The following NBPF11 variants were observed in gnomAD, a reference collection of about 807,000 sequenced individuals.
NBPF11 encodes NBPF family member NBPF11.
A neutral mutation model predicts 93.9 loss-of-function variants in NBPF11; 72 were observed. That is an observed-to-expected ratio of 0.77 (90% CI 0.63 to 0.93). NBPF11 has a LOEUF of 0.93. Among genes scored for constraint, NBPF11 ranks in the 40% least tolerant of loss-of-function variants. The pLI is 0.00. For missense variants in NBPF11, 705 were observed against 802.2 expected (o/e 0.88, Z 1.46); for synonymous variants, 224 against 304.9 (o/e 0.73, Z 2.76).
At chr1:148,108,878 C>T (rs1246141350) in intron 17 of NBPF11, among the ~76,000 whole-genome samples, 1 of 143,938 alleles carries the variant, frequency 6.9e-6, no homozygotes, top group Non-Finnish European at 1.5e-5. Flanking sequence ...CACACACACA[C>T]ACACACACAC....
chr1:148,134,340 A>G (rs1670923120), intron 4 of NBPF11, among the ~76,000 whole-genome samples: 1 of 151,322 alleles, frequency 6.6e-6, no homozygotes, highest in East Asian at 1.9e-4. Flanking sequence ...AGAGGGAAGA[A>G]ATACGGACCT....
intron 2 of NBPF11, among the ~76,000 whole-genome samples, chr1:148,138,546 G>C (rs1279907175): frequency 6.6e-6 from 1 of 151,768 alleles, no homozygotes; most frequent in African/African-American, 2.4e-5. Context: ...TGAGATTAGG[G>C]AGTGGTGATG....
intron 8 of NBPF11, 100 bp downstream of exon 8, chr1:148,122,629 A>C: frequency 6.6e-7 from 1 of 1,524,914 alleles, no homozygotes. Context: ...GGCCAAGGGA[A>C]TGCGGGCTTT....
chr1:148,141,789 CA>C (rs1672209301), intron 2 of NBPF11, among the ~76,000 whole-genome samples: 1 of 151,656 alleles, frequency 6.6e-6, no homozygotes, highest in Non-Finnish European at 1.5e-5. Flanking sequence ...GTGGCACCCA[CA>C]AATCAGAGGA....
chr1:148,105,563 G>A, intron 21 of NBPF11, 35 bp from the exon 22 acceptor site: 2 of 722,524 alleles, frequency 2.8e-6, no homozygotes. Context: ...AATAAGCCAG[G>A]GGAAATCACA....
At position 148,123,726 on chromosome 1, in the gene NBPF11, A is replaced by G. The variant is rs1385735328; in HGVS notation, c.493+127T>C. 9.3e-6 allele frequency: 15 copies of G among 1,604,626 alleles called. No individual in the cohort carries two copies. The East Asian group carries it at 2.9e-4, about 31-fold the overall frequency. ...TGTTCTTACTCAGGAAGTCCTGATC[A>G]TGTCATGGCCACATATGTGTAGTAG... On this transcript the variant is annotated intron_variant, in intron 7 of 23. Transcript: ENST00000682118.
intron 5 of NBPF11, among the ~76,000 whole-genome samples, chr1:148,126,354 C>T (rs1175161390): frequency 5.3e-5 from 8 of 151,498 alleles, no homozygotes; most frequent in African/African-American, 2.0e-4. Context: ...CTATTAGGAG[C>T]AGACTCCTCT....
At chr1:148,127,844 G>A (rs1245512976) in intron 4 of NBPF11, among the ~76,000 whole-genome samples, 4 of 151,086 alleles carry the variant, frequency 2.6e-5, no homozygotes, top group East Asian at 3.9e-4. Flanking sequence ...TTTTAGTAGA[G>A]ACGGGGTTTC....
chr1:148,148,279 G>A (rs1204910313), intron 1 of NBPF11, among the ~76,000 whole-genome samples: 2,943 of 151,656 alleles, frequency 0.019, 17 homozygotes, highest in African/African-American at 0.066. Flanking sequence ...CAGAGGGGAC[G>A]CACACCTGCC....
intron 18 of NBPF11, among the ~76,000 whole-genome samples, 168 bp downstream of exon 18, chr1:148,108,314 T>C (rs1664284749): frequency 6.6e-6 from 1 of 151,554 alleles, no homozygotes; most frequent in Non-Finnish European, 1.5e-5. Flanking sequence ...ACCCATCCCT[T>C]GTCTGGGCTT....
intron 8 of NBPF11, 45 bp from the exon 9 acceptor site, chr1:148,122,311 A>G: frequency 6.2e-7 from 1 of 1,610,170 alleles, no homozygotes; most frequent in Non-Finnish European, 8.5e-7. Flanking sequence ...TTAAACACAG[A>G]GGGATTGGAC....
rs80157072 is a variant in NBPF11, at chr1:148,120,733, T to C, written c.779-23A>G. The C allele has an allele frequency of 1.1e-3, 1,542 of 1,452,498 alleles. 27 individuals carry two copies. The highest frequency in any genetic ancestry group is 9.3e-3 in the African/African-American group (666 of 71,240). 90.0% of individuals were successfully genotyped at this position (1,452,498 alleles called of 1,614,324 possible). On this transcript the variant is annotated intron_variant, in intron 9 of 23. Coordinates refer to ENST00000682118, the MANE Select transcript of NBPF11 (RefSeq NM_001385469.3). Reference sequence around the variant, plus strand: ...GGACTGGGGAGAAGAAAGGCAAACATATGATGGGTTAAAAACTGGTGAAAT... The same window carrying C: ...GGACTGGGGAGAAGAAAGGCAAACACATGATGGGTTAAAAACTGGTGAAAT...
In NBPF11 at chr1:148,117,709, GC is replaced by G. The variant is rs1164151232; in HGVS notation, c.1168del (p.Ala390ProfsTer5). 1.7e-6 allele frequency: 1 copy of G among 581,878 alleles called. No homozygotes were observed. The highest frequency in any genetic ancestry group is 3.0e-6 in the Non-Finnish European group (1 of 331,116). The allele number at this position is 581,878 out of a possible 1,614,324, so 36.0% of individuals were successfully genotyped here. A position where few individuals can be genotyped will look rare whatever the true frequency, so the allele number is the denominator to read the frequency against. The part of the protein sequence containing the change: ...LREKLREGRD[A>X]SRSLNEHLQA... ...GAGATGCTCATTCAATGAGCGGGAG[GC>G]ATCTCTCCCTTCCCGTAACTTCTCC... On this transcript the variant is annotated frameshift_variant, in exon 12 of 24. Coordinates refer to ENST00000682118, the MANE Select transcript of NBPF11 (RefSeq NM_001385469.3). LOFTEE classifies it high-confidence loss of function.
In NBPF11 at chr1:148,120,508, G is replaced by C. The variant is rs1667578072; in HGVS notation, c.981C>G (p.Asn327Lys). ...QVACFLAKQQNKYKYEECKDL... is the reference protein window; with the variant it reads ...QVACFLAKQQKKYKYEECKDL... Reference sequence around the variant, plus strand: ...TGAGCATATAGATCTTACTGTATTTGTTCTGCTGCTTGGCCAGGAAGCAGG... The same window carrying C: ...TGAGCATATAGATCTTACTGTATTTCTTCTGCTGCTTGGCCAGGAAGCAGG... Residue 327 changes from asparagine to lysine, a missense_variant, in exon 10 of 24, where the codon AAC (asparagine) becomes AAG (lysine). Transcript: ENST00000682118. 8.8e-6 allele frequency: 8 copies of C among 912,038 alleles called. No homozygotes were observed. Among genetic ancestry groups the C allele is most frequent in the Admixed American group, 5.1e-5 (3 of 59,200 alleles). The allele number at this position is 912,038 out of a possible 1,614,324, so 56.5% of individuals were successfully genotyped here.
intron 9 of NBPF11, among the ~76,000 whole-genome samples, chr1:148,121,099 C>A (rs1213771005): frequency 6.6e-6 from 1 of 151,708 alleles, no homozygotes; most frequent in Non-Finnish European, 1.5e-5. Context: ...GGCTGCAGTG[C>A]AGAGGCACAA....
At chr1:148,149,460 C>T in intron 1 of NBPF11, 2 of 1,589,568 alleles carry the variant, frequency 1.3e-6, no homozygotes, top group Non-Finnish European at 1.7e-6. Flanking sequence ...GCGGTGGAGC[C>T]GCTGTGGGTG....
In NBPF11 at chr1:148,122,208, T is replaced by C. The variant is rs1668032700; in HGVS notation, c.625A>G (p.Ile209Val). The change falls in exon 9 of 24, where the codon ATC becomes GTC. Residue 209 changes from isoleucine (I) to valine (V), a missense_variant. Physicochemically the swap from Ile to Val is conservative, Grantham distance 29. Transcript: ENST00000682118. ...GGGCCGTGGCTATTTGAACAAGTGA[T>C]GGCACATTCCTCCAGTGAGTCCTCA... ...VPEDSLEECA[I>V]TCSNSHGPCD... 1.2e-6 allele frequency: 2 copies of C among 1,612,394 alleles called. 1 individual carries two copies. Among genetic ancestry groups the C allele is most frequent in the East Asian group, 4.5e-5 (2 of 44,878 alleles).
chr1:148,130,948 GT>G (rs1282323247), intron 4 of NBPF11, among the ~76,000 whole-genome samples: 2 of 151,874 alleles, frequency 1.3e-5, no homozygotes, highest in Non-Finnish European at 2.9e-5. Flanking sequence ...CATCTGTAAT[GT>G]CTTGTAAATA....
At chr1:148,126,289 T>A (rs1292894813) in intron 5 of NBPF11, among the ~76,000 whole-genome samples, 2 of 151,940 alleles carry the variant, frequency 1.3e-5, no homozygotes, top group Non-Finnish European at 2.9e-5. Flanking sequence ...GTGAGCCACG[T>A]TGCACGGCCC....
Sources: gnomAD v4.1 joint callset for allele counts (sites outside exome capture counted in the v4.1 genomes callset) on GRCh38, gnomAD v4.1.1 for gene constraint, MANE v1.5 for transcripts, NCBI Gene and HGNC (gene_info 2026-07-23, HGNC 2026-07-21) for gene names.